LRRC4C: variants seen among roughly 807,000 people sequenced by gnomAD.
LRRC4C encodes the protein leucine-rich repeat-containing protein 4C.
LRRC4C carries 5 observed loss-of-function variants against 33.6 expected under a neutral mutation model. The observed-to-expected ratio is 0.15, with a 90% CI of 0.08 to 0.31. LRRC4C has a LOEUF of 0.31. Among genes scored for constraint, LRRC4C ranks in the 10% least tolerant of loss-of-function variants. The probability of loss-of-function intolerance (pLI) is 1.00; values close to 1 mark genes in which losing one functional copy is unlikely to be tolerated. For missense variants in LRRC4C, 560 were observed against 796.7 expected (o/e 0.70, Z 3.58); for synonymous variants, 329 against 302.0 (o/e 1.09, Z -0.93).
At position 41,333,284 on chromosome 11, in the gene LRRC4C, T is replaced by C. The variant is rs564845965; in HGVS notation, c.-496+126147A>G. 6.6e-5 allele frequency among the ~76,000 whole-genome samples: 10 copies of C among 152,340 alleles called. No homozygotes were observed. The South Asian group carries it at 2.1e-3, about 32-fold the overall frequency. The stretch of plus-strand genomic sequence containing the variant: ...AAGTAGAACACTTAGCTAAGAGGTC[T>C]TGATCTTTTTCTCCCTTAATCATAC... On this transcript the variant is annotated intron_variant, in intron 1 of 6. Coordinates refer to ENST00000528697, the MANE Select transcript of LRRC4C (RefSeq NM_001258419.2).
chr11:41,271,565 C>G (rs1949322806), intron 1 of LRRC4C, among the ~76,000 whole-genome samples: 1 of 152,086 alleles, frequency 6.6e-6, no homozygotes. Flanking sequence ...ATTAAACTAA[C>G]TGAACTAGCT....
At chr11:41,397,334 C>G (rs2138066741) in intron 1 of LRRC4C, among the ~76,000 whole-genome samples, 1 of 152,066 alleles carries the variant, frequency 6.6e-6, no homozygotes, top group Admixed American at 6.6e-5. Flanking sequence ...TCTTTCTCCT[C>G]CTCCTCAGCC....
intron 1 of LRRC4C, among the ~76,000 whole-genome samples, chr11:41,030,570 T>C (rs1856662964): frequency 6.6e-6 from 1 of 151,762 alleles, no homozygotes; most frequent in South Asian, 2.1e-4. Context: ...CATAACTCTT[T>C]TCTTGCCATC....
At chr11:40,818,727 A>G (rs922459673) in intron 2 of LRRC4C, among the ~76,000 whole-genome samples, 1 of 152,088 alleles carries the variant, frequency 6.6e-6, no homozygotes, top group Non-Finnish European at 1.5e-5. Context: ...AACCTTACAT[A>G]TCATCAGTTA....
At chr11:41,244,106 T>C (rs1239084820) in intron 1 of LRRC4C, among the ~76,000 whole-genome samples, 2 of 152,040 alleles carry the variant, frequency 1.3e-5, no homozygotes, top group Admixed American at 6.6e-5. Context: ...GAAGGCCAGA[T>C]TGGGTGACTT....
intron 4 of LRRC4C, among the ~76,000 whole-genome samples, chr11:40,273,342 G>A (rs139354560): frequency 7.3e-4 from 111 of 152,176 alleles, no homozygotes; most frequent in Middle Eastern, 3.4e-3. Flanking sequence ...GCTGCAGTGG[G>A]AAGATAAGGT....
At position 40,821,906 on chromosome 11, in the gene LRRC4C, A is replaced by C. The variant is rs188086751; in HGVS notation, c.-407+111729T>G. On this transcript the variant is annotated intron_variant, in intron 2 of 6. Transcript: ENST00000528697. ...TTATTGATTTGTAATAGTTAGACATATTTATGTATATGTGATATCTTGAGA... is the reference window on the plus strand; with the variant it reads ...TTATTGATTTGTAATAGTTAGACATCTTTATGTATATGTGATATCTTGAGA... 6.5e-4 allele frequency among the ~76,000 whole-genome samples: 99 copies of C among 151,842 alleles called. No homozygotes were observed. The East Asian group carries it at 0.018, about 27-fold the overall frequency.
At chr11:41,037,404 T>C (rs1857147201) in intron 1 of LRRC4C, among the ~76,000 whole-genome samples, 1 of 152,028 alleles carries the variant, frequency 6.6e-6, no homozygotes. Context: ...CAGTGGCATA[T>C]CCATGGCTCA....
intron 6 of LRRC4C, among the ~76,000 whole-genome samples, chr11:40,125,549 C>A (rs529250759): frequency 1.4e-5 from 2 of 144,596 alleles, no homozygotes; most frequent in African/African-American, 5.0e-5. Flanking sequence ...ATGTTCATTT[C>A]TTCTCTCTCT....
At chr11:40,135,930 T>C (rs770870843) in intron 6 of LRRC4C, among the ~76,000 whole-genome samples, 1 of 152,224 alleles carries the variant, frequency 6.6e-6, no homozygotes, top group Non-Finnish European at 1.5e-5. Context: ...GATATAGGTG[T>C]CATTCCTGCA....
At chr11:40,188,454 G>C (rs1861579842) in intron 5 of LRRC4C, among the ~76,000 whole-genome samples, 1 of 152,130 alleles carries the variant, frequency 6.6e-6, no homozygotes, top group Non-Finnish European at 1.5e-5. Context: ...AATACAAAAA[G>C]AAATGCAAAC....
intron 1 of LRRC4C, among the ~76,000 whole-genome samples, chr11:41,207,921 T>A (rs1946666077): frequency 1.3e-5 from 2 of 151,726 alleles, no homozygotes; most frequent in Admixed American, 1.3e-4. Context: ...GGGTGGGGGG[T>A]AAAAGCTGGG....
At chr11:40,325,733 G>A (rs1317594774) in intron 3 of LRRC4C, among the ~76,000 whole-genome samples, 1 of 151,928 alleles carries the variant, frequency 6.6e-6, no homozygotes, top group East Asian at 1.9e-4. Context: ...TCAACACCAG[G>A]CAGCTAATGA....
At chr11:40,226,297 G>A (rs1159204179) in intron 5 of LRRC4C, among the ~76,000 whole-genome samples, 2 of 152,098 alleles carry the variant, frequency 1.3e-5, no homozygotes, top group Non-Finnish European at 2.9e-5. Context: ...GTTCACTATT[G>A]GGTCTTTCCT....
intron 1 of LRRC4C, among the ~76,000 whole-genome samples, chr11:40,951,616 T>G (rs1680280325): frequency 6.6e-6 from 1 of 151,952 alleles, no homozygotes; most frequent in Non-Finnish European, 1.5e-5. Flanking sequence ...ACATTTTAAA[T>G]CTCTGGAGCA....
intron 2 of LRRC4C, among the ~76,000 whole-genome samples, chr11:40,775,267 G>A (rs1949940917): frequency 6.6e-6 from 1 of 151,982 alleles, no homozygotes. Context: ...AAAATTAGCT[G>A]GGCGTGGTGG....
intron 2 of LRRC4C, among the ~76,000 whole-genome samples, chr11:40,932,444 G>A (rs1001145847): frequency 6.6e-6 from 1 of 152,080 alleles, no homozygotes; most frequent in Non-Finnish European, 1.5e-5. Flanking sequence ...GTGAAATGAT[G>A]GGGAATAGTT....
intron 2 of LRRC4C, among the ~76,000 whole-genome samples, chr11:40,664,234 T>G (rs1365820472): frequency 6.6e-6 from 1 of 152,042 alleles, no homozygotes; most frequent in Non-Finnish European, 1.5e-5. Flanking sequence ...ACAAAAAGAT[T>G]TTAAAAAGTT....
chr11:40,627,272 A>AGAGT (rs1555123533), intron 3 of LRRC4C, among the ~76,000 whole-genome samples: 1 of 108,802 alleles, frequency 9.2e-6, no homozygotes. Flanking sequence ...AGAGAGAGAG[A>AGAGT]GAGCGAGAGA....
Sources: gnomAD v4.1 joint callset for allele counts (sites outside exome capture counted in the v4.1 genomes callset) on GRCh38, gnomAD v4.1.1 for gene constraint, MANE v1.5 for transcripts, NCBI Gene and HGNC (gene_info 2026-07-23, HGNC 2026-07-21) for gene names.